The following RTTN variants were observed in gnomAD, a reference collection of about 807,000 sequenced individuals.
RTTN encodes rotatin.
Under a neutral mutation model 269.2 loss-of-function variants are expected in RTTN, and 182 were observed. That is an observed-to-expected ratio of 0.68 (90% CI 0.60 to 0.76). The LOEUF (loss-of-function observed/expected upper bound fraction) is 0.76, where lower values mean the gene tolerates loss of function less well. Among genes scored for constraint, RTTN ranks in the 30% least tolerant of loss-of-function variants. The pLI, the probability that RTTN is intolerant of heterozygous loss-of-function variation, is 0.00. For missense variants in RTTN, 2,545 were observed against 2,608.6 expected, an observed-to-expected ratio of 0.98 and a Z score of 0.53; for synonymous variants, 1,006 against 963.5, an observed-to-expected ratio of 1.04 and a Z score of -0.82.
Position 70,205,328 on chromosome 18 carries a change from G to T in RTTN, c.32-13C>A, listed in dbSNP as rs550130775. The T allele has an allele frequency of 5.0e-6, 8 of 1,612,922 alleles. No homozygotes were observed. Among genetic ancestry groups the T allele is most frequent in the East Asian group, 2.2e-5 (1 of 44,858 alleles). ...GCCAGCTGATGACCTGTCAACGAAC[G>T]GCACAAAACTATTTTATTTCCCGAC... is the stretch of plus-strand genomic sequence containing the variant. On this transcript the variant is annotated splice_polypyrimidine_tract_variant and intron_variant, in intron 1 of 48. Transcript: ENST00000640769.
intron 3 of RTTN, among the ~76,000 whole-genome samples, chr18:70,203,032 A>G (rs1419825928): frequency 6.6e-6 from 1 of 152,096 alleles, no homozygotes; most frequent in Non-Finnish European, 1.5e-5. Context: ...TTTTTCTTCA[A>G]ATCAATTCAA....
Position 70,054,273 on chromosome 18 carries a change from G to A in RTTN, c.5043C>T (p.Leu1681=). The A allele has an allele frequency of 1.2e-6, 2 of 1,610,326 alleles. No homozygotes were observed. The highest frequency in any genetic ancestry group is 1.1e-5 in the South Asian group (1 of 90,344). Residue 1681 remains leucine, a synonymous_variant, in exon 38 of 49, where the codon CTC becomes CTT. Transcript: ENST00000640769. ...AEHTQAQVSF[L]LEYLSSLSRL... ...TGGACAAAGAGGATAGGTATTCCAG[G>A]AGAAAGGAAACCTGTTTGAAAAGGA...
At chr18:70,075,184 G>A in intron 33 of RTTN, 168 bp downstream of exon 33, 1 of 516,808 alleles carries the variant, frequency 1.9e-6, no homozygotes, top group Non-Finnish European at 3.3e-6. Flanking sequence ...AGGCTATACA[G>A]AGAAAGAAGA....
At chr18:70,008,994 T>A (rs558731052) in intron 46 of RTTN, 22 of 151,724 alleles carry the variant, frequency 1.5e-4, no homozygotes, top group African/African-American at 4.8e-4. Flanking sequence ...AAGGAAAAAA[T>A]GTTAAGGGCA....
intron 24 of RTTN, 130 bp downstream of exon 24, chr18:70,128,228 T>C: frequency 4.5e-6 from 3 of 661,494 alleles, no homozygotes; most frequent in Non-Finnish European, 7.6e-6. Context: ...GTAAAAATTA[T>C]AACTGTTAAA....
At chr18:70,188,953 G>C (rs1263061196) in intron 9 of RTTN, among the ~76,000 whole-genome samples, 1 of 152,194 alleles carries the variant, frequency 6.6e-6, no homozygotes, top group Non-Finnish European at 1.5e-5. Flanking sequence ...TTCACTAGAA[G>C]AGCTGGACCA....
chr18:70,085,009 AC>A (rs2058666869), intron 32 of RTTN, among the ~76,000 whole-genome samples: 1 of 152,096 alleles, frequency 6.6e-6, no homozygotes, highest in Non-Finnish European at 1.5e-5. Flanking sequence ...ACTTTAATAT[AC>A]TCTGCCTTTA....
At chr18:70,201,090 G>A (rs1166140830) in intron 4 of RTTN, among the ~76,000 whole-genome samples, 1 of 152,218 alleles carries the variant, frequency 6.6e-6, no homozygotes, top group Non-Finnish European at 1.5e-5. Context: ...TGTGAGCTGA[G>A]GCTGAACACA....
intron 42 of RTTN, 38 bp from the exon 43 acceptor site, chr18:70,028,839 A>T: frequency 7.2e-7 from 1 of 1,386,340 alleles, no homozygotes; most frequent in Non-Finnish European, 1.0e-6. Context: ...TGTGAATGCA[A>T]CAGCATACTT....
chr18:70,163,015 A>T (rs536051069), intron 14 of RTTN, among the ~76,000 whole-genome samples: 10 of 148,746 alleles, frequency 6.7e-5, no homozygotes, highest in South Asian at 2.1e-4. Context: ...TGATAAATTT[A>T]AAAAAAACTA....
chr18:70,013,411 G>C (rs866231884), intron 46 of RTTN, among the ~76,000 whole-genome samples: 64 of 150,502 alleles, frequency 4.3e-4, no homozygotes, highest in African/African-American at 1.4e-3. Context: ...GTGTGTGTGT[G>C]TCTGTGTGTG....
Position 70,004,208 on chromosome 18 carries a change from T to C in RTTN, c.6624A>G (p.Leu2208=), listed in dbSNP as rs780869363. The C allele has an allele frequency of 5.0e-6, 8 of 1,613,760 alleles. No homozygotes were observed. The highest frequency in any genetic ancestry group is 5.9e-6 in the Non-Finnish European group (7 of 1,179,724). ...KTFPNSEANP[L]NAYYLKCLEN... ...CAAGACATTTCAAATAATAGGCATT[T>C]AGAGGGTTTGCTTCTGAGTTTGGGA... Residue 2208 remains leucine, a synonymous_variant, in exon 49 of 49, where the codon CTA becomes CTG. Coordinates refer to ENST00000640769, the MANE Select transcript of RTTN (RefSeq NM_173630.4).
In RTTN at chr18:70,024,823, A is replaced by G; in HGVS notation, c.5849T>C (p.Val1950Ala). The change falls in exon 44 of 49, where the codon GTC becomes GCC. Residue 1950 changes from valine to alanine, a missense_variant. By Grantham distance (64) the Val-to-Ala change is moderately conservative (BLOSUM62 0). Transcript: ENST00000640769. ...CKEAALEAHL[V>A]PVLHSLWPWI... The stretch of plus-strand genomic sequence containing the variant: ...AGGCCAGAGAGAGTGCAAGACAGGG[A>G]CAAGGTGAGCTTCAAGAGCTGCTTC... The G allele has an allele frequency of 6.2e-7, 1 of 1,614,038 alleles. No homozygotes were observed. Among genetic ancestry groups the G allele is most frequent in the Non-Finnish European group, 8.5e-7 (1 of 1,179,942 alleles).
At chr18:70,149,133 T>A in intron 16 of RTTN, 96 bp from the exon 17 acceptor site, 1 of 1,022,248 alleles carries the variant, frequency 9.8e-7, no homozygotes, top group Non-Finnish European at 1.4e-6. Flanking sequence ...CAGCAACTCA[T>A]AAATGTCTTT....
chr18:70,122,281 A>T (rs976118126), intron 25 of RTTN, among the ~76,000 whole-genome samples: 1 of 152,068 alleles, frequency 6.6e-6, no homozygotes, highest in Non-Finnish European at 1.5e-5. Context: ...GGTTTAAGAG[A>T]GCTAAAAGAT....
chr18:70,096,767 C>T lies in RTTN; in HGVS notation c.3904-3963G>A, dbSNP rs531133825. On this transcript the variant is annotated intron_variant, in intron 28 of 48. Transcript: ENST00000640769. ...GGAGGTGTCTCCCAGTCAGGAGGCA[C>T]GGGGTTCAGGGACCAACTTAAGGAG... is the stretch of plus-strand genomic sequence containing the variant. 4.5e-4 allele frequency among the ~76,000 whole-genome samples: 68 copies of T among 152,254 alleles called. 1 individual carries two copies. Among genetic ancestry groups the T allele is most frequent in the East Asian group, 7.7e-4 (4 of 5,172 alleles).
chr18:70,076,960 G>C (rs1182913676), intron 32 of RTTN, among the ~76,000 whole-genome samples: 1 of 151,800 alleles, frequency 6.6e-6, no homozygotes, highest in Non-Finnish European at 1.5e-5. Flanking sequence ...TTTTAAGCAA[G>C]TTATAACATA....
chr18:70,080,417 A>G (rs549851100), intron 32 of RTTN, among the ~76,000 whole-genome samples: 50 of 152,270 alleles, frequency 3.3e-4, no homozygotes, highest in African/African-American at 8.7e-4. Flanking sequence ...TCAAATATTG[A>G]TAAAGACACA....
In RTTN at chr18:70,094,182, C is replaced by T. The variant is rs150579675; in HGVS notation, c.3904-1378G>A. ...TTTATTGTGTCTATTTGATTCTTCT[C>T]TCTTTTCTTCTTTATTAGTCAGGCT... On this transcript the variant is annotated intron_variant, in intron 28 of 48. Transcript: ENST00000640769. Among the ~76,000 whole-genome samples the T allele has an allele frequency of 3.1e-3, 467 of 152,242 alleles. 4 individuals carry two copies. Among genetic ancestry groups the T allele is most frequent in the Middle Eastern group, 0.01 (3 of 294 alleles).
Sources: allele counts gnomAD v4.1 joint callset (sites outside exome capture counted in the v4.1 genomes callset), GRCh38; gene constraint gnomAD v4.1.1; transcripts MANE v1.5; gene names NCBI Gene and HGNC (gene_info 2026-07-23, HGNC 2026-07-21).